IQCM: variants seen among roughly 807,000 people sequenced by gnomAD.
The protein encoded by IQCM is IQ domain-containing protein M.
IQCM carries 45 observed loss-of-function variants against 57.6 expected under a neutral mutation model. The observed-to-expected ratio is 0.78, with a 90% CI of 0.62 to 1.00. The LOEUF (loss-of-function observed/expected upper bound fraction) is 1.00. IQCM is among the 50% of genes least tolerant of loss of function. The pLI is 0.00. For missense variants in IQCM, 468 were observed against 511.6 expected, an observed-to-expected ratio of 0.91 and a Z score of 0.82; for synonymous variants, 148 against 158.9, an observed-to-expected ratio of 0.93 and a Z score of 0.51.
intron 13 of IQCM, among the ~76,000 whole-genome samples, chr4:149,353,046 T>G (rs1728685090): frequency 6.6e-6 from 1 of 152,122 alleles, no homozygotes. Flanking sequence ...TGTTTCTGGG[T>G]TAATGTATCT....
At chr4:149,442,058 C>T (rs1256040517) in intron 12 of IQCM, among the ~76,000 whole-genome samples, 1 of 152,164 alleles carries the variant, frequency 6.6e-6, no homozygotes, top group Non-Finnish European at 1.5e-5. Flanking sequence ...ATAAATTACT[C>T]AGTCAGGTAT....
chr4:149,532,463 T>C (rs1263161554), intron 12 of IQCM, among the ~76,000 whole-genome samples: 1 of 151,896 alleles, frequency 6.6e-6, no homozygotes, highest in Non-Finnish European at 1.5e-5. Context: ...GAAAAAGAGT[T>C]TTGGAAAGTT....
At chr4:149,557,597 C>T (rs892666220) in intron 10 of IQCM, among the ~76,000 whole-genome samples, 3 of 152,140 alleles carry the variant, frequency 2.0e-5, no homozygotes, top group Admixed American at 1.3e-4. Context: ...CTTACTCTCA[C>T]CAAATGGCCT....
intron 5 of IQCM, among the ~76,000 whole-genome samples, chr4:149,720,185 G>T (rs1765330993): frequency 1.3e-5 from 2 of 152,170 alleles, no homozygotes; most frequent in Admixed American, 1.3e-4. Flanking sequence ...ACCTCTGCAA[G>T]TCACCACTCT....
chr4:149,369,420 G>T (rs1418411686), intron 13 of IQCM, among the ~76,000 whole-genome samples: 2 of 151,850 alleles, frequency 1.3e-5, no homozygotes. Context: ...TAAGGAAGAG[G>T]CCCATCTAAA....
chr4:149,574,774 T>C (rs971782294), intron 9 of IQCM, among the ~76,000 whole-genome samples: 92 of 151,982 alleles, frequency 6.1e-4, no homozygotes, highest in African/African-American at 2.1e-3. Context: ...GATATTGAAG[T>C]ATTTTGTATG....
intron 10 of IQCM, among the ~76,000 whole-genome samples, chr4:149,557,492 A>T (rs1279166349): frequency 6.6e-6 from 1 of 152,168 alleles, no homozygotes; most frequent in East Asian, 1.9e-4. Flanking sequence ...GGGGTTCTCA[A>T]AGTGGCCTGG....
At chr4:149,549,857 T>C (rs1439563160) in intron 11 of IQCM, among the ~76,000 whole-genome samples, 1 of 152,192 alleles carries the variant, frequency 6.6e-6, no homozygotes, top group Non-Finnish European at 1.5e-5. Flanking sequence ...CTATGAGACA[T>C]CAACAGATTC....
chr4:149,774,590 C>T (rs1770898850), intron 2 of IQCM, among the ~76,000 whole-genome samples: 1 of 152,034 alleles, frequency 6.6e-6, no homozygotes, highest in African/African-American at 2.4e-5. Flanking sequence ...CCCCTGAGCC[C>T]TATGCAAATC....
chr4:149,489,078 G>A (rs1003631897), intron 12 of IQCM, among the ~76,000 whole-genome samples: 1 of 152,082 alleles, frequency 6.6e-6, no homozygotes, highest in Non-Finnish European at 1.5e-5. Flanking sequence ...CTAATTGGAT[G>A]TTCTATTTAG....
intron 7 of IQCM, 55 bp from the exon 8 acceptor site, chr4:149,621,299 C>T (rs1379549208): frequency 3.9e-6 from 3 of 761,556 alleles, no homozygotes; most frequent in Non-Finnish European, 5.4e-6. Flanking sequence ...AAAGTACACA[C>T]TGATTATATT....
At chr4:149,519,848 CA>C (rs1001601371) in intron 12 of IQCM, among the ~76,000 whole-genome samples, 14 of 150,904 alleles carry the variant, frequency 9.3e-5, no homozygotes, top group African/African-American at 3.2e-4. Context: ...ACTAAAAATA[CA>C]AAAAAAATAG....
At chr4:149,492,206 T>C (rs536339295) in intron 12 of IQCM, among the ~76,000 whole-genome samples, 20 of 152,220 alleles carry the variant, frequency 1.3e-4, no homozygotes, top group Admixed American at 1.1e-3. Flanking sequence ...CATAGGGTTT[T>C]CTCTTTACAG....
At chr4:149,736,708 A>G (rs142424403) in intron 3 of IQCM, among the ~76,000 whole-genome samples, 347 of 152,352 alleles carry the variant, frequency 2.3e-3, no homozygotes, top group African/African-American at 7.3e-3. Flanking sequence ...ATGAGGCTGT[A>G]GAGCTACTGG....
At chr4:149,607,405 C>T (rs1754886296) in intron 8 of IQCM, among the ~76,000 whole-genome samples, 1 of 151,868 alleles carries the variant, frequency 6.6e-6, no homozygotes, top group Non-Finnish European at 1.5e-5. Flanking sequence ...GTTTGTTCAA[C>T]CTGAGAAAAA....
intron 13 of IQCM, among the ~76,000 whole-genome samples, chr4:149,373,551 C>T (rs1057282044): frequency 7.2e-5 from 11 of 151,976 alleles, no homozygotes; most frequent in African/African-American, 2.7e-4. Flanking sequence ...TTGAATCTAG[C>T]TAGTCAACAG....
intron 7 of IQCM, among the ~76,000 whole-genome samples, chr4:149,668,224 A>T (rs1459866459): frequency 6.6e-6 from 1 of 152,192 alleles, no homozygotes; most frequent in African/African-American, 2.4e-5. Context: ...CTAACAGCAG[A>T]TCTCTCTGCA....
chr4:149,451,504 A>T (rs1271011166), intron 12 of IQCM, among the ~76,000 whole-genome samples: 1 of 151,702 alleles, frequency 6.6e-6, no homozygotes, highest in Non-Finnish European at 1.5e-5. Context: ...AATTCCTTTA[A>T]AAAAGCATTA....
intron 5 of IQCM, among the ~76,000 whole-genome samples, chr4:149,723,850 T>G (rs1460415242): frequency 6.6e-6 from 1 of 152,050 alleles, no homozygotes; most frequent in Admixed American, 6.6e-5. Flanking sequence ...TTGGAATAGT[T>G]TCAGTAGGAT....
Sources: gnomAD v4.1 joint callset for allele counts (sites outside exome capture counted in the v4.1 genomes callset) on GRCh38, gnomAD v4.1.1 for gene constraint, MANE v1.5 for transcripts, NCBI Gene and HGNC (gene_info 2026-07-23, HGNC 2026-07-21) for gene names.